GCNT1: variants seen among roughly 807,000 people sequenced by gnomAD.
GCNT1 encodes the protein beta-1,3-galactosyl-O-glycosyl-glycoprotein beta-1,6-N-acetylglucosaminyltransferase.
In GCNT1, 16 loss-of-function variants were observed where a neutral mutation model predicts 26.2. That is an observed-to-expected ratio of 0.61 (90% confidence interval 0.41 to 0.93). The LOEUF is 0.93. Among genes scored for constraint, GCNT1 ranks in the 40% least tolerant of loss-of-function variants. The pLI, the probability that GCNT1 is intolerant of heterozygous loss-of-function variation, is 0.00. For synonymous variants in GCNT1, 183 were observed against 190.8 expected, an observed-to-expected ratio of 0.96 and a Z score of 0.34; for missense variants, 477 against 526.7, an observed-to-expected ratio of 0.91 and a Z score of 0.92.
chr9:76,479,959 G>A (rs1422342835), intron 2 of GCNT1, among the ~76,000 whole-genome samples: 1 of 152,084 alleles, frequency 6.6e-6, no homozygotes, highest in Non-Finnish European at 1.5e-5. Flanking sequence ...TATTGCCTAG[G>A]TTTTCTTCTA....
At chr9:76,491,005 G>A (rs1352103489) in intron 2 of GCNT1, among the ~76,000 whole-genome samples, 1 of 152,258 alleles carries the variant, frequency 6.6e-6, no homozygotes, top group Non-Finnish European at 1.5e-5. Flanking sequence ...CAGTGTTACA[G>A]GGAAGACCTT....
At chr9:76,396,927 C>A in the GCNT1 span, among the ~76,000 whole-genome samples, 1 of 152,092 alleles carries the variant, frequency 6.6e-6, no homozygotes, top group East Asian at 1.9e-4. Context: ...TTTGAGGCAG[C>A]AGTGAGCTGT....
chr9:76,446,488 C>G (rs1425740892), intron 1 of GCNT1, among the ~76,000 whole-genome samples: 2 of 152,192 alleles, frequency 1.3e-5, no homozygotes, highest in Non-Finnish European at 2.9e-5. Context: ...TATCTATTGC[C>G]AATCATCTTC....
At chr9:76,484,926 C>A (rs957286813) in intron 2 of GCNT1, among the ~76,000 whole-genome samples, 1 of 151,230 alleles carries the variant, frequency 6.6e-6, no homozygotes, top group African/African-American at 2.4e-5. Context: ...GTAGCTGGGA[C>A]TACAGACTCG....
At chr9:76,430,891 G>A (rs565398103) in intron 1 of GCNT1, among the ~76,000 whole-genome samples, 1 of 152,096 alleles carries the variant, frequency 6.6e-6, no homozygotes, top group South Asian at 2.1e-4. Flanking sequence ...TCACCATGTT[G>A]GCCAGGCTGG....
the GCNT1 span, chr9:76,398,563 C>G: frequency 1.1e-5 from 7 of 660,676 alleles, no homozygotes; most frequent in Non-Finnish European, 1.9e-5. Flanking sequence ...ATTGTGCTCA[C>G]TTATATTTAA....
intron 2 of GCNT1, among the ~76,000 whole-genome samples, chr9:76,481,055 A>G (rs930856837): frequency 2.6e-5 from 4 of 152,148 alleles, no homozygotes; most frequent in African/African-American, 9.7e-5. Flanking sequence ...CCTGGCTAAC[A>G]TGGTGAAACC....
At chr9:76,422,963 A>T (rs1214216793) in intron 1 of GCNT1, among the ~76,000 whole-genome samples, 2 of 152,252 alleles carry the variant, frequency 1.3e-5, no homozygotes, top group Non-Finnish European at 2.9e-5. Flanking sequence ...TGGTAGACTA[A>T]TGTAATAAGT....
chr9:76,503,113 G>A lies in GCNT1; in HGVS notation c.732G>A (p.Thr244=), dbSNP rs555199442. 1.5e-5 allele frequency: 24 copies of A among 1,614,148 alleles called. 1 individual carries two copies. The South Asian group carries it at 1.8e-4, about 12-fold the overall frequency. The change falls in exon 4 of 4, where the codon ACG becomes ACA. Residue 244 remains threonine (T), a synonymous_variant. Coordinates refer to ENST00000376730, the MANE Select transcript of GCNT1 (RefSeq NM_001490.5). ...KLLMGENNLE[T]ERMPSHKEER... Reference sequence around the variant, plus strand: ...TAATGGGAGAAAACAACCTGGAAACGGAGAGGATGCCATCCCATAAAGAAG... The same window carrying A: ...TAATGGGAGAAAACAACCTGGAAACAGAGAGGATGCCATCCCATAAAGAAG...
At position 76,502,376 on chromosome 9, in the gene GCNT1, T is replaced by C. The variant is rs541302676; in HGVS notation, c.-6T>C. 1.3e-6 allele frequency: 2 copies of C among 1,598,508 alleles called. No individual in the cohort carries two copies. Among genetic ancestry groups the C allele is most frequent in the Admixed American group, 1.7e-5 (1 of 59,170 alleles). On this transcript the variant is annotated 5_prime_UTR_variant, in exon 4 of 4. Coordinates refer to ENST00000376730, the MANE Select transcript of GCNT1 (RefSeq NM_001490.5). Reference sequence around the variant, plus strand: ...TCACAAAGGAAATCCCTGATTATTGTTTGAAATGCTGAGGACGTTGCTGCG... The same window carrying C: ...TCACAAAGGAAATCCCTGATTATTGCTTGAAATGCTGAGGACGTTGCTGCG...
intron 2 of GCNT1, among the ~76,000 whole-genome samples, chr9:76,486,296 A>G (rs1824572885): frequency 1.3e-5 from 2 of 152,250 alleles, no homozygotes; most frequent in Admixed American, 6.5e-5. Context: ...TAATGCTCTT[A>G]CAGTTGCTGG....
intron 2 of GCNT1, among the ~76,000 whole-genome samples, chr9:76,482,178 ATGGCGAATTGCCTCCCAACAAAGAG>A (rs1400418488): frequency 6.6e-6 from 1 of 152,176 alleles, no homozygotes; most frequent in Admixed American, 6.5e-5. Context: ...CAAGCCACCC[ATGGCGAATTGCCTCCCAACAAAGAG>A]TTGTACTTAC....
upstream of GCNT1, among the ~76,000 whole-genome samples, chr9:76,441,327 G>T (rs1404195331): frequency 6.6e-6 from 1 of 151,960 alleles, no homozygotes; most frequent in East Asian, 2.0e-4. Flanking sequence ...TTTATTTTTA[G>T]TAGAGACGGG....
chr9:76,436,288 G>A (rs1276129603), intron 1 of GCNT1, among the ~76,000 whole-genome samples: 1 of 152,094 alleles, frequency 6.6e-6, no homozygotes, highest in Non-Finnish European at 1.5e-5. Context: ...CCTTCCACAA[G>A]TGGTGGGAAT....
the GCNT1 span, among the ~76,000 whole-genome samples, chr9:76,407,332 T>C: frequency 6.6e-6 from 1 of 152,128 alleles, no homozygotes; most frequent in Non-Finnish European, 1.5e-5. Context: ...TTTTCCTGCA[T>C]GTAGATGTCC....
At chr9:76,480,285 G>T (rs909008430) in intron 2 of GCNT1, among the ~76,000 whole-genome samples, 2 of 152,074 alleles carry the variant, frequency 1.3e-5, no homozygotes, top group Non-Finnish European at 2.9e-5. Flanking sequence ...AAGTCAGGTA[G>T]TGTGATGCCT....
rs145494628 is a variant in GCNT1 at position 76,475,146 on chromosome 9, A to G, written c.-290+14969A>G. Among the ~76,000 whole-genome samples the G allele has an allele frequency of 6.4e-3, 978 of 152,316 alleles. 9 individuals are homozygous for G. Among genetic ancestry groups the G allele is most frequent in the African/African-American group, 0.022 (909 of 41,582 alleles). On this transcript the variant is annotated intron_variant, in intron 2 of 3. Transcript: ENST00000376730. The stretch of plus-strand genomic sequence containing the variant: ...CATCTCACATACCTCTTTTCATGTC[A>G]TTACAATGAGAATTACTTCATTCTT...
intron 2 of GCNT1, among the ~76,000 whole-genome samples, chr9:76,479,129 T>C (rs919135277): frequency 1.3e-5 from 2 of 152,188 alleles, no homozygotes; most frequent in South Asian, 2.1e-4. Context: ...GTCCTTGCGA[T>C]AGTTTGCTGA....
chr9:76,459,171 C>A (rs1475769203), upstream of GCNT1: 1 of 152,232 alleles, frequency 6.6e-6, no homozygotes, highest in Non-Finnish European at 1.5e-5. Context: ...GGGGCGGCCC[C>A]GGGGCGGGCC....
Sources: gnomAD v4.1 joint callset for allele counts (sites outside exome capture counted in the v4.1 genomes callset) on GRCh38, gnomAD v4.1.1 for gene constraint, MANE v1.5 for transcripts, NCBI Gene and HGNC (gene_info 2026-07-23, HGNC 2026-07-21) for gene names.